UPF3B: variants seen among roughly 807,000 people sequenced by gnomAD.
UPF3B encodes UPF3B regulator of nonsense mediated mRNA decay.
In UPF3B, 7 loss-of-function variants were observed where a neutral mutation model predicts 40.3. The ratio of observed to expected loss-of-function variants is 0.17; its 90% CI spans 0.10 to 0.33. The LOEUF is 0.33. Ranked by LOEUF, UPF3B falls within the 10% of genes least tolerant of loss-of-function variation. The pLI, the probability that UPF3B is intolerant of heterozygous loss-of-function variation, is 1.00. For synonymous variants in UPF3B, 117 were observed against 117.3 expected (o/e 1.00, Z 0.01); for missense variants, 229 against 358.9 (o/e 0.64, Z 2.93).
At chrX:119,817,825 C>T (rs185829356) in intron 4 of UPF3B, among the ~76,000 whole-genome samples, 119 of 111,783 alleles carry the variant, frequency 1.1e-3, no homozygotes, top group African/African-American at 3.4e-3. Flanking sequence ...GGTGGAAGAA[C>T]GGTAAAATCA....
chrX:119,807,538 G>T, exon 6 of UPF3B: 1 of 853,577 alleles, frequency 1.2e-6, no homozygotes, highest in South Asian at 3.8e-5. Context: ...GAATCGACCT[G>T]GGCTTCGAGC....
downstream of UPF3B, among the ~76,000 whole-genome samples, chrX:119,830,028 ATTCACT>A (rs1225331142): frequency 9.0e-6 from 1 of 111,708 alleles, no homozygotes; most frequent in Non-Finnish European, 1.9e-5. Flanking sequence ...GCTGACAATC[ATTCACT>A]TTCAATCATT....
intron 4 of UPF3B, among the ~76,000 whole-genome samples, chrX:119,816,195 G>A (rs966813256): frequency 4.3e-4 from 48 of 111,676 alleles, no homozygotes; most frequent in African/African-American, 1.6e-3. Context: ...GTGGCACTGG[G>A]GAAAGGATAT....
At position 119,818,800 on chromosome X, in the gene UPF3B, G is replaced by A. The variant is rs372826798; in HGVS notation, c.495-3493C>T. On this transcript the variant is annotated intron_variant, in intron 4 of 6. Coordinates refer to the UPF3B transcript ENST00000636792. ...TTTATGCCATGGAATGTCAAAAGCC[G>A]CAATTACGTTGGCACCAACCAATAG... 4.5e-5 allele frequency among the ~76,000 whole-genome samples: 5 copies of A among 111,488 alleles called. No homozygotes were observed. In the East Asian group the frequency reaches 1.4e-3, roughly 31 times the overall value.
At chrX:119,843,141 T>C (rs768256203) in intron 5 of UPF3B, 50 bp downstream of exon 5, 2 of 848,796 alleles carry the variant, frequency 2.4e-6, no homozygotes, top group Admixed American at 4.4e-5. Context: ...GTAGGAGACT[T>C]AGGTACTGTG....
downstream of UPF3B, among the ~76,000 whole-genome samples, chrX:119,830,582 G>A (rs760487120): frequency 1.8e-5 from 2 of 110,298 alleles, no homozygotes; most frequent in South Asian, 7.6e-4. Flanking sequence ...ACAACTCTTA[G>A]GCATTTCTTT....
At chrX:119,841,820 C>T in intron 5 of UPF3B, 42 bp from the exon 6 acceptor site, 1 of 1,114,147 alleles carries the variant, frequency 9.0e-7, no homozygotes, top group Non-Finnish European at 1.2e-6. Context: ...CTTATCAACC[C>T]CTAGAAACGA....
At chrX:119,807,646 G>T in intron 5 of UPF3B, 1 of 569,983 alleles carries the variant, frequency 1.8e-6, no homozygotes, top group Non-Finnish European at 2.1e-6. Context: ...GGATTATCAG[G>T]TCATATCTTA....
intron 4 of UPF3B, among the ~76,000 whole-genome samples, chrX:119,819,994 G>A (rs1394879498): frequency 1.8e-5 from 2 of 110,053 alleles, no homozygotes; most frequent in Non-Finnish European, 3.8e-5. Flanking sequence ...ACAGGAGCCC[G>A]CCACTGTGCC....
intron 3 of UPF3B, among the ~76,000 whole-genome samples, chrX:119,824,341 G>A (rs1357776575): frequency 7.1e-5 from 7 of 99,187 alleles, no homozygotes; most frequent in Admixed American, 2.3e-4. Context: ...CCCCAGGGCC[G>A]GGCACACAGT....
At chrX:119,818,112 A>C (rs1419895280) in intron 4 of UPF3B, among the ~76,000 whole-genome samples, 1 of 110,425 alleles carries the variant, frequency 9.1e-6, no homozygotes, top group Non-Finnish European at 1.9e-5. Context: ...TAAAAATACA[A>C]AAATTAGTTG....
chrX:119,830,249 C>T (rs1311710094), downstream of UPF3B, among the ~76,000 whole-genome samples: 1 of 110,898 alleles, frequency 9.0e-6, no homozygotes, highest in Non-Finnish European at 1.9e-5. Context: ...GATATTTGTC[C>T]CCACCCAAAT....
chrX:119,848,281 CAAAAAAAA>C lies in UPF3B; in HGVS notation c.371-2993_371-2986del, dbSNP rs144679153. 1.7e-4 allele frequency among the ~76,000 whole-genome samples: 4 copies of C among 23,935 alleles called. No homozygotes were observed. The East Asian group carries it at 4.5e-3, about 27-fold the overall frequency. The allele number at this position is 23,935 out of a possible 115,157, so 20.8% of individuals were successfully genotyped here. A position where few individuals can be genotyped will look rare whatever the true frequency, so the allele number is the denominator to read the frequency against. On this transcript the variant is annotated intron_variant, in intron 3 of 10. Transcript: ENST00000276201. ...TGGGCAACAAAGTGAGACTCCATCT[CAAAAAAAA>C]AAAAAAAAAAAAAAAAGATGAAAAT...
chrX:119,838,274 A>AACAGCTT lies in UPF3B; in HGVS notation c.1007+86_1007+92dup, dbSNP rs2056123623. 3 of 1,056,111 alleles carry AACAGCTT rather than the reference A, an allele frequency of 2.8e-6. No homozygotes were observed. In the South Asian group the frequency reaches 5.8e-5, roughly 20 times the overall value. The allele number at this position is 1,056,111 out of a possible 1,213,427, so 87.0% of individuals were successfully genotyped here. On this transcript the variant is annotated intron_variant, in intron 9 of 10. Transcript: ENST00000276201. ...CTCCTCATCCCCCTGCCCTGCATAA[A>AACAGCTT]ACAGCTTATCTTAATTCAGGTACAT...
downstream of UPF3B, among the ~76,000 whole-genome samples, chrX:119,830,877 C>T (rs2056029646): frequency 8.9e-6 from 1 of 112,012 alleles, no homozygotes. Context: ...AACAACAATG[C>T]AATAGAACAA....
chrX:119,806,856 C>G (rs2055795136), intron 6 of UPF3B, among the ~76,000 whole-genome samples: 1 of 108,240 alleles, frequency 9.2e-6, no homozygotes, highest in Admixed American at 1.0e-4. Flanking sequence ...TGGTGAAACC[C>G]CATGTCTACT....
intron 3 of UPF3B, among the ~76,000 whole-genome samples, chrX:119,851,070 A>G (rs904792401): frequency 1.4e-4 from 16 of 112,779 alleles, no homozygotes; most frequent in Non-Finnish European, 2.6e-4. Flanking sequence ...TTTTAATTAT[A>G]TACAACTTTG....
chrX:119,847,925 T>C (rs2056254991), intron 3 of UPF3B, among the ~76,000 whole-genome samples: 1 of 111,205 alleles, frequency 9.0e-6, no homozygotes, highest in African/African-American at 3.3e-5. Context: ...GCAACTCGAA[T>C]ACCCCTTGAC....
intron 3 of UPF3B, among the ~76,000 whole-genome samples, chrX:119,828,331 C>T (rs969576077): frequency 2.7e-5 from 3 of 112,220 alleles, no homozygotes; most frequent in African/African-American, 9.7e-5. Context: ...TCCCAAAGTG[C>T]TGGGATTACA....
Sources: allele counts gnomAD v4.1 joint callset (sites outside exome capture counted in the v4.1 genomes callset), GRCh38; gene constraint gnomAD v4.1.1; transcripts MANE v1.5; gene names NCBI Gene and HGNC (gene_info 2026-07-23, HGNC 2026-07-21).